Variants in RNF2 observed in about 807,000 individuals in gnomAD.
RNF2 encodes the protein E3 ubiquitin-protein ligase RING2.
In RNF2, 6 loss-of-function variants were observed where a neutral mutation model predicts 37.2. That is an observed-to-expected ratio of 0.16 (90% CI 0.09 to 0.32). The LOEUF (loss-of-function observed/expected upper bound fraction) is 0.32. RNF2 is among the 10% of genes least tolerant of loss of function. The pLI, the probability that RNF2 is intolerant of heterozygous loss-of-function variation, is 1.00. For missense variants in RNF2, 251 were observed against 404.0 expected (o/e 0.62, Z 3.25); for synonymous variants, 133 against 132.7 (o/e 1.00, Z -0.02).
At chr1:185,053,342 T>G (rs1650324479) in intron 1 of RNF2, among the ~76,000 whole-genome samples, 3 of 149,004 alleles carry the variant, frequency 2.0e-5, no homozygotes, top group Middle Eastern at 3.4e-3. Flanking sequence ...TTCTTTTTCT[T>G]TTTTTTTTTA....
intron 1 of RNF2, among the ~76,000 whole-genome samples, chr1:185,056,068 T>C (rs978787518): frequency 1.3e-5 from 2 of 152,204 alleles, no homozygotes; most frequent in African/African-American, 4.8e-5. Flanking sequence ...ATTGTTACAG[T>C]TGCATTGAAA....
intron 5 of RNF2, among the ~76,000 whole-genome samples, chr1:185,098,918 A>T (rs1651993427): frequency 6.7e-6 from 1 of 148,664 alleles, no homozygotes; most frequent in African/African-American, 2.5e-5. Flanking sequence ...AGCCCAGCTA[A>T]TTTTTGTATT....
intron 1 of RNF2, among the ~76,000 whole-genome samples, chr1:185,081,498 A>G (rs573834750): frequency 7.2e-6 from 1 of 138,648 alleles, no homozygotes; most frequent in African/African-American, 2.7e-5. Context: ...GGTTCAAGTG[A>G]TTATCCTGCC....
chr1:185,093,013 CAAAGAT>C (rs765979968), intron 3 of RNF2, 42 bp from the exon 4 acceptor site: 1 of 1,561,450 alleles, frequency 6.4e-7, no homozygotes, highest in Admixed American at 1.7e-5. Flanking sequence ...GTCTTTAGCC[CAAAGAT>C]ACTAGCATTG....
intron 1 of RNF2, among the ~76,000 whole-genome samples, chr1:185,067,527 T>A (rs978965259): frequency 6.6e-6 from 1 of 152,152 alleles, no homozygotes; most frequent in African/African-American, 2.4e-5. Context: ...TAATTTGATG[T>A]GACCTTTATT....
At chr1:185,064,789 G>A (rs943367528) in intron 1 of RNF2, among the ~76,000 whole-genome samples, 1 of 151,952 alleles carries the variant, frequency 6.6e-6, no homozygotes, top group African/African-American at 2.4e-5. Flanking sequence ...TGCAAGTCTT[G>A]TGCCTCCTTG....
chr1:185,057,681 A>G (rs6684195), intron 1 of RNF2, among the ~76,000 whole-genome samples: 51,232 of 151,812 alleles, frequency 0.34, 10,315 homozygotes, highest in Non-Finnish European at 0.44. Context: ...GGTAGTGCAG[A>G]GCATATGTTC....
chr1:185,068,753 C>A (rs577694663), intron 1 of RNF2, among the ~76,000 whole-genome samples: 5 of 152,188 alleles, frequency 3.3e-5, no homozygotes, highest in Non-Finnish European at 7.4e-5. Context: ...CCATAGAAAA[C>A]TAATATAGCA....
At chr1:185,064,302 C>G (rs775126926) in intron 1 of RNF2, among the ~76,000 whole-genome samples, 1 of 152,258 alleles carries the variant, frequency 6.6e-6, no homozygotes, top group Non-Finnish European at 1.5e-5. Context: ...TCTTATTGCA[C>G]CAATAATAAT....
chr1:185,058,913 A>G (rs564742730), intron 1 of RNF2, among the ~76,000 whole-genome samples: 33 of 152,354 alleles, frequency 2.2e-4, no homozygotes, highest in African/African-American at 7.9e-4. Flanking sequence ...GTTGATTTCC[A>G]GTATATATGA....
At chr1:185,057,976 T>G (rs1650484626) in intron 1 of RNF2, among the ~76,000 whole-genome samples, 1 of 151,994 alleles carries the variant, frequency 6.6e-6, no homozygotes. Flanking sequence ...AATACAAAAA[T>G]TAGCCGGGCT....
chr1:185,086,534 G>A (rs957961116), intron 1 of RNF2, among the ~76,000 whole-genome samples: 3 of 152,146 alleles, frequency 2.0e-5, no homozygotes, highest in Non-Finnish European at 4.4e-5. Flanking sequence ...ACAATAGGAG[G>A]AACTAGGATA....
intron 1 of RNF2, among the ~76,000 whole-genome samples, chr1:185,049,670 T>TA (rs200612317): frequency 0.034 from 4,161 of 124,170 alleles, 116 homozygotes; most frequent in African/African-American, 0.087. Context: ...TAGATGAGTG[T>TA]AAAAAAAAAA....
intron 1 of RNF2, among the ~76,000 whole-genome samples, chr1:185,079,078 T>C (rs1459155794): frequency 6.8e-6 from 1 of 147,138 alleles, no homozygotes; most frequent in African/African-American, 2.6e-5. Flanking sequence ...CTAGATCTTT[T>C]CTTTTTTTTT....
rs1265334465 is a variant in RNF2 at position 185,099,773 on chromosome 1, A to G, written c.738-18A>G. The G allele has an allele frequency of 6.3e-7, 1 of 1,588,416 alleles. No individual in the cohort carries two copies. Among genetic ancestry groups the G allele is most frequent in the Middle Eastern group, 1.7e-4 (1 of 5,834 alleles). On this transcript the variant is annotated intron_variant, in intron 5 of 6. Coordinates refer to ENST00000367510, the MANE Select transcript of RNF2 (RefSeq NM_007212.4). ...GGCATATTCTAGAAATGAAATTTTT[A>G]ATGATTTATTCTTCTAGATACATAA...
At chr1:185,068,671 T>C (rs1454905558) in intron 1 of RNF2, among the ~76,000 whole-genome samples, 1 of 152,252 alleles carries the variant, frequency 6.6e-6, no homozygotes, top group Non-Finnish European at 1.5e-5. Context: ...TTAGGACTTC[T>C]GGCCTTCAGA....
Position 185,102,054 on chromosome 1 carries a change from T to C in RNF2, c.*1753T>C, listed in dbSNP as rs1046434638. ...GTTGCATTAAATAACTAAATTCCCA[T>C]TGTGATTAATTGAAATTTTGTCTTT... On this transcript the variant is annotated 3_prime_UTR_variant, in exon 7 of 7. Coordinates refer to ENST00000367510, the MANE Select transcript of RNF2 (RefSeq NM_007212.4). The C allele has an allele frequency of 6.6e-6, 1 of 152,558 alleles. No individual in the cohort carries two copies. The highest frequency in any genetic ancestry group is 1.5e-5 in the Non-Finnish European group (1 of 68,004). 9.5% of individuals were successfully genotyped at this position (152,558 alleles called of 1,614,324 possible).
chr1:185,093,453 A>G (rs1275910812), intron 4 of RNF2, among the ~76,000 whole-genome samples, 177 bp downstream of exon 4: 5 of 152,352 alleles, frequency 3.3e-5, no homozygotes, highest in African/African-American at 1.2e-4. Flanking sequence ...TTAAAATACT[A>G]GAATCTCTGT....
rs1184730823 is a variant in RNF2, at chr1:185,101,839, T to G, written c.*1538T>G. Reference sequence around the variant, plus strand: ...AAAATCTGTTTTTACAGGGTTTTTTTTTTTTTTTTTTTTTTGTAATCTGTG... The same window carrying G: ...AAAATCTGTTTTTACAGGGTTTTTTGTTTTTTTTTTTTTTTGTAATCTGTG... On this transcript the variant is annotated 3_prime_UTR_variant, in exon 7 of 7. Transcript: ENST00000367510. 1 of 148,064 alleles carries G rather than the reference T, an allele frequency of 6.8e-6. No individual in the cohort carries two copies. The highest frequency in any genetic ancestry group is 2.1e-4 in the South Asian group (1 of 4,672). The allele number at this position is 148,064 out of a possible 1,614,324, so 9.2% of individuals were successfully genotyped here. A position where few individuals can be genotyped will look rare whatever the true frequency, so the allele number is the denominator to read the frequency against.
Sources: allele counts gnomAD v4.1 joint callset (sites outside exome capture counted in the v4.1 genomes callset), GRCh38; gene constraint gnomAD v4.1.1; transcripts MANE v1.5; gene names NCBI Gene and HGNC (gene_info 2026-07-23, HGNC 2026-07-21).